Variants in EML1 observed in about 807,000 individuals in gnomAD.
EML1 encodes EMAP like 1.
Under a neutral mutation model 110.4 loss-of-function variants are expected in EML1, and 27 were observed. The ratio of observed to expected loss-of-function variants is 0.24; its 90% CI spans 0.18 to 0.34. EML1 has a LOEUF of 0.34. EML1 is among the 10% of genes least tolerant of loss of function. The pLI is 1.00. For missense variants in EML1, 741 were observed against 1,030.9 expected, an observed-to-expected ratio of 0.72 and a Z score of 3.85; for synonymous variants, 344 against 385.8, an observed-to-expected ratio of 0.89 and a Z score of 1.27.
At chr14:99,869,626 C>A (rs2059160482) in intron 3 of EML1, among the ~76,000 whole-genome samples, 2 of 152,262 alleles carry the variant, frequency 1.3e-5, no homozygotes, top group East Asian at 3.9e-4. Flanking sequence ...CCAGGATAGA[C>A]CATCATGTGG....
At chr14:99,813,164 G>A (rs899434885) in intron 1 of EML1, among the ~76,000 whole-genome samples, 18 of 152,230 alleles carry the variant, frequency 1.2e-4, no homozygotes, top group African/African-American at 3.9e-4. Flanking sequence ...AGTTTTGTAC[G>A]CTTTGAAATA....
chr14:99,872,074 A>G (rs567469180), intron 3 of EML1, among the ~76,000 whole-genome samples: 1 of 152,160 alleles, frequency 6.6e-6, no homozygotes, highest in Non-Finnish European at 1.5e-5. Context: ...TCTGTGTACT[A>G]TTTGTGGGAG....
Position 99,940,454 on chromosome 14 carries a change from A to G in EML1, c.*342A>G, listed in dbSNP as rs1008568095. 5.8e-6 allele frequency: 1 copy of G among 171,650 alleles called. No homozygotes were observed. The highest frequency in any genetic ancestry group is 2.4e-5 in the African/African-American group (1 of 42,256). 10.6% of individuals were successfully genotyped at this position (171,650 alleles called of 1,614,324 possible). A position where few individuals can be genotyped will look rare whatever the true frequency, so the allele number is the denominator to read the frequency against. On this transcript the variant is annotated 3_prime_UTR_variant, in exon 22 of 22. Transcript: ENST00000262233. ...CACAGAATGCCTTTTAAAACATTGTATATAATCTTCACTGTTTCACCATCT... is the reference window on the plus strand; with the variant it reads ...CACAGAATGCCTTTTAAAACATTGTGTATAATCTTCACTGTTTCACCATCT...
chr14:99,798,681 T>C (rs1483559547), intron 1 of EML1, among the ~76,000 whole-genome samples: 1 of 152,202 alleles, frequency 6.6e-6, no homozygotes, highest in East Asian at 1.9e-4. Flanking sequence ...CATGAGCCAC[T>C]GTACCTGGCC....
chr14:99,831,386 T>G (rs1348818941), intron 1 of EML1, among the ~76,000 whole-genome samples: 1 of 152,202 alleles, frequency 6.6e-6, no homozygotes, highest in Admixed American at 6.5e-5. Context: ...ACAGGTACCC[T>G]GGAAAGGCAT....
chr14:99,863,179 T>G (rs1293939924), intron 2 of EML1, among the ~76,000 whole-genome samples: 4 of 152,232 alleles, frequency 2.6e-5, no homozygotes, highest in Non-Finnish European at 4.4e-5. Context: ...TCCACCTTTG[T>G]GGGAAGCACC....
chr14:99,890,712 G>C (rs1191101), intron 4 of EML1, among the ~76,000 whole-genome samples: 136,488 of 152,234 alleles, frequency 0.9, 61,233 homozygotes, highest in East Asian at 1. Context: ...GGTGTTCCCC[G>C]CTTCTCTTTC....
At chr14:99,796,673 C>T (rs1176851840) in intron 1 of EML1, among the ~76,000 whole-genome samples, 1 of 141,700 alleles carries the variant, frequency 7.1e-6, no homozygotes, top group East Asian at 2.3e-4. Flanking sequence ...TCTTTTAATG[C>T]TGGGAAAAAA....
At chr14:99,757,593 A>T (rs2057271527) in intron 1 of EML1, among the ~76,000 whole-genome samples, 1 of 152,246 alleles carries the variant, frequency 6.6e-6, no homozygotes, top group African/African-American at 2.4e-5. Context: ...GCGTTTAATA[A>T]GCAAAAGCAA....
At chr14:99,813,165 C>T (rs1227977916) in intron 1 of EML1, among the ~76,000 whole-genome samples, 1 of 152,120 alleles carries the variant, frequency 6.6e-6, no homozygotes, top group Non-Finnish European at 1.5e-5. Flanking sequence ...GTTTTGTACG[C>T]TTTGAAATAT....
intron 1 of EML1, among the ~76,000 whole-genome samples, chr14:99,806,969 C>T (rs141825331): frequency 6.0e-4 from 91 of 152,226 alleles, no homozygotes; most frequent in African/African-American, 1.9e-3. Context: ...ATGCAGGACC[C>T]GGGATCTAGG....
rs763807374 is a variant in EML1 at position 99,940,043 on chromosome 14, C to A, written c.2379C>A (p.Leu793=). Reference sequence around the variant, plus strand: ...GCCATGTCACCAATGTCGATTTCCTCTGTGAAGACAGCCACCTCATCTCCA... The same window carrying A: ...GCCATGTCACCAATGTCGATTTCCTATGTGAAGACAGCCACCTCATCTCCA... ...HSSHVTNVDF[L]CEDSHLISTG... is the part of the protein sequence containing the mutation. Residue 793 remains leucine, a synonymous_variant, in exon 22 of 22, where the codon CTC becomes CTA. Transcript: ENST00000262233. 1 of 1,603,462 alleles carries A rather than the reference C, an allele frequency of 6.2e-7. No individual in the cohort carries two copies. The highest frequency in any genetic ancestry group is 1.1e-5 in the South Asian group (1 of 88,922).
intron 1 of EML1, among the ~76,000 whole-genome samples, chr14:99,806,293 T>C (rs1006716603): frequency 4.0e-5 from 6 of 150,818 alleles, no homozygotes; most frequent in Non-Finnish European, 7.4e-5. Flanking sequence ...CTGTGTAAAG[T>C]TTTGGTATCC....
In EML1 at chr14:99,776,066, G is replaced by A. The variant is rs545467807; in HGVS notation, c.-27+2053G>A. Among the ~76,000 whole-genome samples, 4 of 152,282 alleles carry A rather than the reference G, an allele frequency of 2.6e-5. No individual in the cohort carries two copies. In the East Asian group the frequency reaches 7.7e-4, roughly 29 times the overall value. Reference sequence around the variant, plus strand: ...CTGCTTTCAAATGGTGCAACAAAATGTCCTACAAGCAAAAATGAAATCTTA... The same window carrying A: ...CTGCTTTCAAATGGTGCAACAAAATATCCTACAAGCAAAAATGAAATCTTA... On this transcript the variant is annotated intron_variant, in intron 1 of 22. Coordinates refer to the EML1 transcript ENST00000327921.
At chr14:99,825,345 C>T (rs2058334574) in intron 1 of EML1, among the ~76,000 whole-genome samples, 2 of 152,136 alleles carry the variant, frequency 1.3e-5, no homozygotes, top group South Asian at 4.1e-4. Context: ...CATGACTTTG[C>T]TGTTGTGAAT....
At chr14:99,806,442 G>A (rs535968935) in intron 1 of EML1, among the ~76,000 whole-genome samples, 1 of 149,106 alleles carries the variant, frequency 6.7e-6, no homozygotes, top group East Asian at 2.0e-4. Context: ...TCAGCCTCCC[G>A]AGTAGCTGGG....
chr14:99,906,751 A>C (rs1040860660), intron 9 of EML1: 4 of 152,300 alleles, frequency 2.6e-5, no homozygotes, highest in African/African-American at 9.6e-5. Context: ...GACAATCCCA[A>C]CGTGGCTGGC....
At chr14:99,859,374 T>A (rs8005472) in intron 2 of EML1, among the ~76,000 whole-genome samples, 1 of 152,250 alleles carries the variant, frequency 6.6e-6, no homozygotes, top group African/African-American at 2.4e-5. Flanking sequence ...CTCCCTTCAC[T>A]TCCAGCGGGT....
At chr14:99,766,735 C>T (rs1030691325) in intron 1 of EML1, among the ~76,000 whole-genome samples, 1 of 152,190 alleles carries the variant, frequency 6.6e-6, no homozygotes, top group Admixed American at 6.6e-5. Flanking sequence ...ATTTGTTTCA[C>T]TTGGCAAGGA....
Sources: allele counts gnomAD v4.1 joint callset (sites outside exome capture counted in the v4.1 genomes callset), GRCh38; gene constraint gnomAD v4.1.1; transcripts MANE v1.5; gene names NCBI Gene and HGNC (gene_info 2026-07-23, HGNC 2026-07-21).